WNT9B: variants seen among roughly 807,000 people sequenced by gnomAD.
WNT9B encodes Wnt family member 9B.
A neutral mutation model predicts 30.2 loss-of-function variants in WNT9B; 12 were observed. The ratio of observed to expected loss-of-function variants is 0.40; its 90% CI spans 0.26 to 0.64. The LOEUF is 0.64. Ranked by LOEUF, WNT9B falls within the 30% of genes least tolerant of loss-of-function variation. The pLI, the probability that WNT9B is intolerant of heterozygous loss-of-function variation, is 0.42. For missense variants in WNT9B, 442 were observed against 485.2 expected, an observed-to-expected ratio of 0.91 and a Z score of 0.84; for synonymous variants, 218 against 216.9, an observed-to-expected ratio of 1.01 and a Z score of -0.05.
upstream of WNT9B, among the ~76,000 whole-genome samples, chr17:46,847,409 A>T (rs2084788651): frequency 1.3e-5 from 2 of 152,204 alleles, no homozygotes; most frequent in Admixed American, 6.5e-5. Flanking sequence ...ATGCTACCTC[A>T]CAGTGCTCCA....
At chr17:46,884,447 T>C (rs1473965150), downstream of WNT9B, among the ~76,000 whole-genome samples, 1 of 152,060 alleles carries the variant, frequency 6.6e-6, no homozygotes, top group Non-Finnish European at 1.5e-5. Context: ...ATCCTCAAGC[T>C]CTGCTTCTCA....
intron 1 of WNT9B, among the ~76,000 whole-genome samples, chr17:46,870,845 A>G (rs531115412): frequency 7.6e-4 from 115 of 150,674 alleles, no homozygotes; most frequent in Non-Finnish European, 1.4e-3. Context: ...CATGAGCAAC[A>G]GTGGCAAGTG....
chr17:46,872,389 A>C, intron 1 of WNT9B, 128 bp from the exon 2 acceptor site: 1 of 1,338,346 alleles, frequency 7.5e-7, no homozygotes, highest in Non-Finnish European at 9.7e-7. Flanking sequence ...TGGGGACGGG[A>C]CCTCCAGCGG....
intron 1 of WNT9B, among the ~76,000 whole-genome samples, chr17:46,838,374 C>A (rs2084658822): frequency 6.6e-6 from 1 of 151,592 alleles, no homozygotes; most frequent in Non-Finnish European, 1.5e-5. Flanking sequence ...TGCTTGTAAT[C>A]CCAACTTTTT....
At chr17:46,837,165 T>A (rs1456936242) in intron 1 of WNT9B, among the ~76,000 whole-genome samples, 64 of 152,108 alleles carry the variant, frequency 4.2e-4, no homozygotes, top group Admixed American at 7.9e-4. Flanking sequence ...CTGGTCTTGA[T>A]CTCTTGACCT....
intron 1 of WNT9B, among the ~76,000 whole-genome samples, chr17:46,862,163 C>CAAAAAAAAAAAA (rs111407961): frequency 2.5e-5 from 2 of 80,254 alleles, no homozygotes; most frequent in Admixed American, 1.3e-4. Flanking sequence ...AACTCCGTCT[C>CAAAAAAAAAAAA]AAAAAAAAAA....
chr17:46,869,864 T>G (rs562880844), intron 1 of WNT9B, among the ~76,000 whole-genome samples: 32 of 152,112 alleles, frequency 2.1e-4, no homozygotes, highest in Non-Finnish European at 4.0e-4. Context: ...CCAGGGATGG[T>G]GGCGCACACC....
downstream of WNT9B, among the ~76,000 whole-genome samples, chr17:46,880,751 G>A (rs763772051): frequency 3.3e-5 from 5 of 152,064 alleles, no homozygotes; most frequent in Non-Finnish European, 5.9e-5. Flanking sequence ...GGTATAGGTC[G>A]GGCAGGGATG....
At chr17:46,835,775 G>A (rs1464273614) in intron 1 of WNT9B, among the ~76,000 whole-genome samples, 1 of 152,242 alleles carries the variant, frequency 6.6e-6, no homozygotes, top group Non-Finnish European at 1.5e-5. Flanking sequence ...AGATCCAGCT[G>A]GGTTGGAGGG....
rs367703019 is a variant in WNT9B at position 46,854,129 on chromosome 17, G to A, written c.77+2414G>A. 8.5e-5 allele frequency among the ~76,000 whole-genome samples: 13 copies of A among 152,284 alleles called. No homozygotes were observed. The East Asian group carries it at 2.5e-3, about 29-fold the overall frequency. On this transcript the variant is annotated intron_variant, in intron 1 of 3. Coordinates refer to ENST00000290015, the MANE Select transcript of WNT9B (RefSeq NM_003396.3). ...AGCAGGACAGATGCTCAGAGAATCAGCTAAAACTGGGGCCTCATGATGTTA... is the reference window on the plus strand; with the variant it reads ...AGCAGGACAGATGCTCAGAGAATCAACTAAAACTGGGGCCTCATGATGTTA...
rs756128456 is a variant in WNT9B, at chr17:46,872,730, C to T, written c.291C>T (p.Arg97=). The change falls in exon 2 of 4, where the codon CGC becomes CGT. Residue 97 remains arginine (R), a synonymous_variant. Transcript: ENST00000290015. Reference sequence around the variant, plus strand: ...GCCAGTTTCAGTTCCGGCATGAGCGCTGGAACTGTAGCCTGGAGGGCAGGA... The same window carrying T: ...GCCAGTTTCAGTTCCGGCATGAGCGTTGGAACTGTAGCCTGGAGGGCAGGA... The part of the protein sequence containing the change: ...LECQFQFRHE[R]WNCSLEGRMG... The T allele has an allele frequency of 9.2e-5, 147 of 1,604,772 alleles. No homozygotes were observed. Among genetic ancestry groups the T allele is most frequent in the Middle Eastern group, 1.8e-4 (1 of 5,462 alleles).
At chr17:46,859,419 C>A (rs1289415998) in intron 1 of WNT9B, among the ~76,000 whole-genome samples, 3 of 152,208 alleles carry the variant, frequency 2.0e-5, no homozygotes. Flanking sequence ...GTTTTCTCCA[C>A]TGTCATCTTT....
In WNT9B at chr17:46,853,592, G is replaced by A. The variant is rs2084892412; in HGVS notation, c.77+1877G>A. The stretch of plus-strand genomic sequence containing the variant: ...TCACCATGTTGGCCAGGCTGGTCTC[G>A]AACTCCTGATCTCAATCTGCCCAAC... On this transcript the variant is annotated intron_variant, in intron 1 of 3. Coordinates refer to ENST00000290015, the MANE Select transcript of WNT9B (RefSeq NM_003396.3). Among the ~76,000 whole-genome samples the A allele has an allele frequency of 1.3e-5, 2 of 151,986 alleles. 1 individual carries two copies. The highest frequency in any genetic ancestry group is 6.8e-3 in the Middle Eastern group (2 of 294).
downstream of WNT9B, chr17:46,884,904 A>G: frequency 3.0e-6 from 1 of 338,820 alleles, no homozygotes; most frequent in Non-Finnish European, 5.8e-6. Context: ...ACTTGGTTCA[A>G]ATATCTCCAG....
At position 46,851,732 on chromosome 17, in the gene WNT9B, C is replaced by G. The variant is rs989862662; in HGVS notation, c.77+17C>G. On this transcript the variant is annotated intron_variant, in intron 1 of 3. Coordinates refer to ENST00000290015, the MANE Select transcript of WNT9B (RefSeq NM_003396.3). The surrounding 1 kb of genome is among the most constrained non-coding windows in gnomAD (Gnocchi z 4.3). Reference sequence around the variant, plus strand: ...CTACTTCGGGTCAGTGCCCGCCGCGCCCCCCGCCCGCTCCCCGGCCTGCCT... The same window carrying G: ...CTACTTCGGGTCAGTGCCCGCCGCGGCCCCCGCCCGCTCCCCGGCCTGCCT... 8.0e-7 allele frequency: 1 copy of G among 1,252,646 alleles called. No individual in the cohort carries two copies. Among genetic ancestry groups the G allele is most frequent in the Non-Finnish European group, 1.0e-6 (1 of 995,908 alleles). 77.6% of individuals were successfully genotyped at this position (1,252,646 alleles called of 1,614,324 possible).
exon 5 of WNT9B, chr17:46,886,473 T>TTA (rs1350543313): frequency 6.6e-6 from 1 of 152,106 alleles, no homozygotes; most frequent in Non-Finnish European, 1.5e-5. Flanking sequence ...AACTTGGGAG[T>TTA]ATACTCCTAA....
intron 1 of WNT9B, among the ~76,000 whole-genome samples, chr17:46,865,127 G>T (rs995157560): frequency 2.0e-5 from 3 of 152,180 alleles, no homozygotes; most frequent in African/African-American, 7.2e-5. Flanking sequence ...CCTCTCCTTG[G>T]CTTCAGCCCG....
In WNT9B at chr17:46,877,620, G is replaced by A. The variant is rs775759066; in HGVS notation, c.*902G>A. On this transcript the variant is annotated 3_prime_UTR_variant, in exon 4 of 4. Transcript: ENST00000290015. ...AGAGGAGGAGGGCAACAGCTTCCTG[G>A]TGCCTGGCAGTGACGTGGCGAGCTC... Among the ~76,000 whole-genome samples the A allele has an allele frequency of 6.6e-6, 1 of 152,186 alleles. No individual in the cohort carries two copies. The highest frequency in any genetic ancestry group is 2.4e-5 in the African/African-American group (1 of 41,440).
rs181289502 is a variant in WNT9B, at chr17:46,837,232, T to C, written c.95+3792T>C. On this transcript the variant is annotated intron_variant, in intron 1 of 2. Coordinates refer to the WNT9B transcript ENST00000575372. ...CTGGGATTACAGGCGTGAGCCACCG[T>C]GCCTGGCTGAACCTTGCAAGTATTT... 1.9e-3 allele frequency among the ~76,000 whole-genome samples: 292 copies of C among 152,322 alleles called. 1 individual carries two copies. In the Middle Eastern group the frequency reaches 0.031, roughly 16 times the overall value.
Sources: allele counts gnomAD v4.1 joint callset (sites outside exome capture counted in the v4.1 genomes callset), GRCh38; gene constraint gnomAD v4.1.1; non-coding constraint Gnocchi (gnomAD v3.1); transcripts MANE v1.5; gene names NCBI Gene and HGNC (gene_info 2026-07-23, HGNC 2026-07-21).